METTL22: variants seen among roughly 807,000 people sequenced by gnomAD.
METTL22 encodes methyltransferase 22, Kin17 lysine.
A neutral mutation model predicts 48.4 loss-of-function variants in METTL22; 51 were observed. The ratio of observed to expected loss-of-function variants is 1.05; its 90% CI spans 0.84 to 1.33. The LOEUF is 1.33. Among genes scored for constraint, METTL22 ranks in the 40% most tolerant of loss-of-function variants. The pLI, the probability that METTL22 is intolerant of heterozygous loss-of-function variation, is 0.00. For synonymous variants in METTL22, 255 were observed against 214.1 expected (o/e 1.19, Z -1.67); for missense variants, 678 against 526.9 (o/e 1.29, Z -2.81).
the METTL22 span, among the ~76,000 whole-genome samples, chr16:8,658,865 G>T: frequency 7.9e-5 from 12 of 151,988 alleles, no homozygotes. Context: ...TCCCTTCCCA[G>T]CCCCATCTCA....
At chr16:8,665,403 T>C in the METTL22 span, among the ~76,000 whole-genome samples, 3 of 152,180 alleles carry the variant, frequency 2.0e-5, no homozygotes, top group East Asian at 5.8e-4. Flanking sequence ...AGGAGCTGCC[T>C]CTGGGACCCA....
intron 3 of METTL22, 37 bp from the exon 4 acceptor site, chr16:8,635,002 C>T (rs2056377513): frequency 1.9e-6 from 3 of 1,612,426 alleles, no homozygotes; most frequent in South Asian, 1.1e-5. Context: ...ATCCCCATTT[C>T]ACAGTGGGCA....
chr16:8,621,950 G>T (rs1404553433), intron 1 of METTL22, among the ~76,000 whole-genome samples, 175 bp downstream of exon 1: 2 of 152,202 alleles, frequency 1.3e-5, no homozygotes, highest in African/African-American at 4.8e-5. Context: ...AGAAGTCCAC[G>T]TCCTCACCTG....
chr16:8,644,661 T>C lies in METTL22; in HGVS notation c.1115T>C (p.Phe372Ser). The C allele has an allele frequency of 6.2e-7, 1 of 1,606,996 alleles. No individual in the cohort carries two copies. The highest frequency in any genetic ancestry group is 8.5e-7 in the Non-Finnish European group (1 of 1,176,962). Residue 372 changes from phenylalanine to serine, a missense_variant, in exon 10 of 11, where the codon TTC (phenylalanine) becomes TCC (serine). Transcript: ENST00000381920. ...CAGCTCGCAGATGGCAAGCTGCGCT[T>C]CGTGGTGGAGCCCGTGGAGGCCTCC... ...LEQLADGKLR[F>S]VVEPVEASFP...
chr16:8,658,155 G>A, the METTL22 span, among the ~76,000 whole-genome samples: 1 of 152,158 alleles, frequency 6.6e-6, no homozygotes, highest in African/African-American at 2.4e-5. Context: ...GGAGATTTGA[G>A]AACCACAGTG....
At chr16:8,642,296 T>G in intron 8 of METTL22, 89 bp downstream of exon 8, 1 of 1,321,242 alleles carries the variant, frequency 7.6e-7, no homozygotes, top group Non-Finnish European at 1.1e-6. Flanking sequence ...GGAGTTCAGT[T>G]TTAGAAGTGA....
downstream of METTL22, among the ~76,000 whole-genome samples, chr16:8,650,729 A>G (rs975900975): frequency 6.6e-6 from 1 of 152,242 alleles, no homozygotes; most frequent in Admixed American, 6.5e-5. Flanking sequence ...AATTTCATTT[A>G]TCAATAAATG....
At position 8,625,662 on chromosome 16, in the gene METTL22, G is replaced by C; in HGVS notation, c.-4G>C. 1.2e-6 allele frequency: 2 copies of C among 1,614,062 alleles called. No homozygotes were observed. Among genetic ancestry groups the C allele is most frequent in the Non-Finnish European group, 1.7e-6 (2 of 1,179,994 alleles). On this transcript the variant is annotated 5_prime_UTR_variant, in exon 2 of 11. Coordinates refer to ENST00000381920, the MANE Select transcript of METTL22 (RefSeq NM_024109.4). ...TGTCCTAGGACTAAGGTGGAGCCTG[G>C]GCCATGGTACAGCTGGCTCCTGCGG...
chr16:8,630,120 CTGGCCTT>C (rs1262829507), intron 3 of METTL22, among the ~76,000 whole-genome samples: 1 of 152,172 alleles, frequency 6.6e-6, no homozygotes, highest in Non-Finnish European at 1.5e-5. Context: ...TCCCCCAGCA[CTGGCCTT>C]TGGTCAGAGA....
chr16:8,628,668 A>G (rs2056145755), intron 2 of METTL22, 62 bp from the exon 3 acceptor site: 8 of 1,533,400 alleles, frequency 5.2e-6, no homozygotes, highest in South Asian at 1.3e-5. Context: ...TCAAAGAAGA[A>G]GAGGAAGGTA....
Position 8,629,091 on chromosome 16 carries a change from G to A in METTL22, c.495G>A (p.Pro165=), listed in dbSNP as rs766791496. ...TGGGAGAGGAAGCACAAGGCAGCCC[G>A]CACGATATCATCAGAATAGGTAAAT... ...DVLGEEAQGS[P]HDIIRIEHTM... Residue 165 remains proline, a synonymous_variant, in exon 3 of 11, where the codon CCG becomes CCA. Coordinates refer to ENST00000381920, the MANE Select transcript of METTL22 (RefSeq NM_024109.4). The A allele has an allele frequency of 6.8e-5, 110 of 1,613,086 alleles. No individual in the cohort carries two copies. Among genetic ancestry groups the A allele is most frequent in the Middle Eastern group, 1.6e-4 (1 of 6,082 alleles).
chr16:8,638,321 C>T (rs892184912), intron 5 of METTL22, among the ~76,000 whole-genome samples: 3 of 152,144 alleles, frequency 2.0e-5, no homozygotes, highest in African/African-American at 7.2e-5. Flanking sequence ...TGTGGGTCCA[C>T]GCCCACAGTG....
chr16:8,623,630 T>C (rs977852810), intron 1 of METTL22: 4 of 152,252 alleles, frequency 2.6e-5, no homozygotes, highest in East Asian at 3.8e-4. Flanking sequence ...TGCATTGATT[T>C]GCCAGATTCA....
rs1280691452 is a variant in METTL22, at chr16:8,648,300, TG to T, written c.*2160del. ...AAGATCGCAACACTGCCCTCCAGCC[TG>T]GGCAACAGAGCCAGACATCTCAAAA... On this transcript the variant is annotated 3_prime_UTR_variant, in exon 11 of 11. Coordinates refer to ENST00000381920, the MANE Select transcript of METTL22 (RefSeq NM_024109.4). The T allele has an allele frequency of 6.6e-6, 1 of 151,912 alleles. No individual in the cohort carries two copies. Among genetic ancestry groups the T allele is most frequent in the African/African-American group, 2.4e-5 (1 of 41,260 alleles). 9.4% of individuals were successfully genotyped at this position (151,912 alleles called of 1,614,324 possible).
At chr16:8,657,725 G>A in the METTL22 span, among the ~76,000 whole-genome samples, 1 of 152,122 alleles carries the variant, frequency 6.6e-6, no homozygotes, top group African/African-American at 2.4e-5. Context: ...AGGGGTCTTT[G>A]CAGATCTAAT....
the METTL22 span, among the ~76,000 whole-genome samples, chr16:8,661,631 C>A: frequency 3.4e-5 from 3 of 88,280 alleles, 1 homozygote; most frequent in Admixed American, 3.3e-4. Context: ...GGCGACACAG[C>A]GAGACTCCGT....
downstream of METTL22, among the ~76,000 whole-genome samples, chr16:8,653,284 G>A (rs1057291050): frequency 6.6e-6 from 1 of 152,188 alleles, no homozygotes; most frequent in Non-Finnish European, 1.5e-5. Context: ...AAGGGACAAC[G>A]CTAAGTTTTA....
the METTL22 span, among the ~76,000 whole-genome samples, chr16:8,660,798 A>C: frequency 1.3e-3 from 3 of 2,322 alleles, 1 homozygote; most frequent in African/African-American, 2.6e-3. Context: ...GAGGAGGAGG[A>C]GGAGGAGGAG....
At chr16:8,625,889 G>C (rs2056033410) in intron 2 of METTL22, 91 bp downstream of exon 2, 2 of 1,514,932 alleles carry the variant, frequency 1.3e-6, no homozygotes, top group Non-Finnish European at 1.8e-6. Flanking sequence ...GGGAAGACTG[G>C]ATTACGTAAC....
Sources: gnomAD v4.1 joint callset for allele counts (sites outside exome capture counted in the v4.1 genomes callset) on GRCh38, gnomAD v4.1.1 for gene constraint, MANE v1.5 for transcripts, NCBI Gene and HGNC (gene_info 2026-07-23, HGNC 2026-07-21) for gene names.